The following EVI5 variants were observed in gnomAD, a reference collection of about 807,000 sequenced individuals.
EVI5 encodes ecotropic viral integration site 5, also known as ecotropic viral integration site 5 protein homolog.
Under a neutral mutation model 112.0 loss-of-function variants are expected in EVI5, and 73 were observed. That is an observed-to-expected ratio of 0.65 (90% CI 0.54 to 0.79). The LOEUF (loss-of-function observed/expected upper bound fraction) is 0.79, where lower values mean the gene tolerates loss of function less well. EVI5 is among the 30% of genes least tolerant of loss of function. The probability of loss-of-function intolerance (pLI) is 0.00; values close to 1 mark genes in which losing one functional copy is unlikely to be tolerated. For missense variants in EVI5, 900 were observed against 968.8 expected (o/e 0.93, Z 0.94); for synonymous variants, 305 against 319.9 (o/e 0.95, Z 0.50).
chr1:92,537,652 G>C (rs904652287), intron 19 of EVI5, among the ~76,000 whole-genome samples: 1 of 151,872 alleles, frequency 6.6e-6, no homozygotes, highest in African/African-American at 2.4e-5. Flanking sequence ...GGTTAGACTA[G>C]TAATAACCAC....
chr1:92,624,728 T>C (rs968844920), intron 15 of EVI5, among the ~76,000 whole-genome samples: 3 of 143,486 alleles, frequency 2.1e-5, no homozygotes, highest in Non-Finnish European at 3.0e-5. Context: ...AAAGAATTTA[T>C]TGGAGAAAAG....
intron 14 of EVI5, among the ~76,000 whole-genome samples, chr1:92,628,561 C>T (rs1458559499): frequency 6.6e-6 from 1 of 152,126 alleles, no homozygotes; most frequent in African/African-American, 2.4e-5. Flanking sequence ...AGCCAATTAT[C>T]CCAGCACACG....
At chr1:92,530,236 G>T (rs1662627998) in intron 19 of EVI5, among the ~76,000 whole-genome samples, 1 of 152,152 alleles carries the variant, frequency 6.6e-6, no homozygotes, top group African/African-American at 2.4e-5. Flanking sequence ...TGCCTCTCCA[G>T]ATTCCCTCCT....
chr1:92,523,880 G>A lies in EVI5; in HGVS notation c.2167-9910C>T, dbSNP rs541185405. Among the ~76,000 whole-genome samples the A allele has an allele frequency of 1.3e-4, 20 of 152,196 alleles. 1 individual carries two copies. The highest frequency in any genetic ancestry group is 4.8e-4 in the African/African-American group (20 of 41,540). ...GCTGGTGGATCACTTGAGGTCAGAA[G>A]TTCGAGACCAGCCTGGCCAACATGG... On this transcript the variant is annotated intron_variant, in intron 19 of 19. Transcript: ENST00000684568.
chr1:92,648,289 C>A (rs561650213), intron 13 of EVI5, among the ~76,000 whole-genome samples: 2 of 148,864 alleles, frequency 1.3e-5, no homozygotes, highest in African/African-American at 4.9e-5. Context: ...AGGAGAATGG[C>A]GTGAACCCGG....
At chr1:92,775,631 T>C (rs910251059) in intron 1 of EVI5, among the ~76,000 whole-genome samples, 1 of 152,158 alleles carries the variant, frequency 6.6e-6, no homozygotes, top group Non-Finnish European at 1.5e-5. Context: ...TATCTAGCTT[T>C]GTCTAAGTGT....
intron 1 of EVI5, among the ~76,000 whole-genome samples, chr1:92,753,133 CA>C (rs5776155): frequency 1.0e-3 from 140 of 140,150 alleles, no homozygotes; most frequent in Middle Eastern, 7.2e-3. Context: ...AAGAGTCAGG[CA>C]AAAAAAAAAA....
chr1:92,666,998 T>C (rs1454498270), intron 10 of EVI5, among the ~76,000 whole-genome samples: 1 of 152,164 alleles, frequency 6.6e-6, no homozygotes, highest in Non-Finnish European at 1.5e-5. Flanking sequence ...AAACATCAAA[T>C]TTTCCATTTA....
intron 13 of EVI5, among the ~76,000 whole-genome samples, chr1:92,653,501 G>A (rs996343642): frequency 6.6e-6 from 1 of 152,226 alleles, no homozygotes; most frequent in Non-Finnish European, 1.5e-5. Flanking sequence ...GGCCAACCTA[G>A]TATGAGTGCT....
At chr1:92,690,231 A>C (rs1000957480) in intron 9 of EVI5, among the ~76,000 whole-genome samples, 1 of 152,172 alleles carries the variant, frequency 6.6e-6, no homozygotes, top group African/African-American at 2.4e-5. Flanking sequence ...AGCTGCAGTT[A>C]AAGAAGAAAA....
chr1:92,522,528 C>T (rs1436544371), intron 19 of EVI5, among the ~76,000 whole-genome samples: 4 of 141,838 alleles, frequency 2.8e-5, no homozygotes, highest in Middle Eastern at 4.1e-3. Context: ...CCCAGCTACG[C>T]GGGAGGCTGA....
intron 16 of EVI5, among the ~76,000 whole-genome samples, chr1:92,613,653 G>A (rs1652390976): frequency 6.6e-6 from 1 of 152,076 alleles, no homozygotes; most frequent in Admixed American, 6.6e-5. Flanking sequence ...GTGCAGAGGT[G>A]TCATAGTTCA....
At chr1:92,527,612 A>C (rs1662151732) in intron 19 of EVI5, among the ~76,000 whole-genome samples, 1 of 152,136 alleles carries the variant, frequency 6.6e-6, no homozygotes. Context: ...ACTCCCCAGA[A>C]GACTTCCATG....
rs375085811 is a variant in EVI5 at position 92,724,325 on chromosome 1, A to C, written c.149+12073T>G. On this transcript the variant is annotated intron_variant, in intron 2 of 19. Transcript: ENST00000684568. ...TCAGACCGGCCGACACTTAGGGAAA[A>C]TAGAAAAGAACCTACGTTGAAATAC... Among the ~76,000 whole-genome samples, 112 of 152,292 alleles carry C rather than the reference A, an allele frequency of 7.4e-4. 1 individual carries two copies. Among genetic ancestry groups the C allele is most frequent in the South Asian group, 4.6e-3 (22 of 4,824 alleles).
intron 13 of EVI5, among the ~76,000 whole-genome samples, chr1:92,647,958 T>C (rs1015154463): frequency 6.6e-6 from 1 of 150,956 alleles, no homozygotes; most frequent in Admixed American, 6.6e-5. Flanking sequence ...TTGGCCAAGC[T>C]GGTCTCAAAC....
rs1451358842 is a variant in EVI5, at chr1:92,633,037, C to G, written c.1527+3165G>C. Among the ~76,000 whole-genome samples, 5 of 152,234 alleles carry G rather than the reference C, an allele frequency of 3.3e-5. No individual in the cohort carries two copies. In the East Asian group the frequency reaches 5.8e-4, roughly 18 times the overall value. On this transcript the variant is annotated intron_variant, in intron 14 of 19. Transcript: ENST00000684568. ...AGTTTGATTGCACTGTGGTTTGAGA[C>G]ACAGTTTGTTATAATTTCTGTTCTT... is the stretch of plus-strand genomic sequence containing the variant.
intron 10 of EVI5, among the ~76,000 whole-genome samples, chr1:92,672,998 TTCTGAAGCCTAATTTCTTC>T (rs1273761787): frequency 6.6e-6 from 1 of 152,182 alleles, no homozygotes. Context: ...TATTTGAGCT[TTCTGAAGCCTAATTTCTTC>T]ACAGGTAAGG....
chr1:92,685,414 G>A (rs1008373518), intron 9 of EVI5, among the ~76,000 whole-genome samples: 17 of 152,148 alleles, frequency 1.1e-4, no homozygotes, highest in Non-Finnish European at 2.1e-4. Context: ...TGTGTAGAGG[G>A]AAATTTATAG....
At position 92,736,487 on chromosome 1, in the gene EVI5, T is replaced by C. The variant is rs1238274513; in HGVS notation, c.60A>G (p.Thr20=). 2 of 1,613,884 alleles carry C rather than the reference T, an allele frequency of 1.2e-6. No homozygotes were observed. The highest frequency in any genetic ancestry group is 1.7e-5 in the Admixed American group (1 of 60,004). Residue 20 remains threonine, a synonymous_variant, in exon 2 of 20, where the codon ACA becomes ACG. Transcript: ENST00000684568. ...TSLHTTSSST[T]LSTPALSPSS... ...ATGGTGAAAGGGCTGGTGTTGATAG[T>C]GTGGTAGATGAGGATGTGGTATGTA...
Sources: allele counts gnomAD v4.1 joint callset (sites outside exome capture counted in the v4.1 genomes callset), GRCh38; gene constraint gnomAD v4.1.1; transcripts MANE v1.5; gene names NCBI Gene and HGNC (gene_info 2026-07-23, HGNC 2026-07-21).